Variants in AFTPH observed in about 807,000 individuals in gnomAD.
AFTPH encodes aftiphilin protein.
Under a neutral mutation model 72.5 loss-of-function variants are expected in AFTPH, and 7 were observed. The observed-to-expected ratio is 0.10, with a 90% CI of 0.05 to 0.18. The LOEUF (loss-of-function observed/expected upper bound fraction) is 0.18, where lower values mean the gene tolerates loss of function less well. Among genes scored for constraint, AFTPH ranks in the 10% least tolerant of loss-of-function variants. The probability of loss-of-function intolerance (pLI) is 1.00; values close to 1 mark genes in which losing one functional copy is unlikely to be tolerated. For synonymous variants in AFTPH, 337 were observed against 370.1 expected, an observed-to-expected ratio of 0.91 and a Z score of 1.03; for missense variants, 979 against 1,060.5, an observed-to-expected ratio of 0.92 and a Z score of 1.07.
Position 64,579,784 on chromosome 2 carries a change from A to G in AFTPH, c.2455+238A>G, listed in dbSNP as rs149056004. 332 of 383,100 alleles carry G rather than the reference A, an allele frequency of 8.7e-4. 3 individuals carry two copies. The highest frequency in any genetic ancestry group is 6.4e-3 in the African/African-American group (310 of 48,410). The allele number at this position is 383,100 out of a possible 1,614,324, so 23.7% of individuals were successfully genotyped here. A position where few individuals can be genotyped will look rare whatever the true frequency, so the allele number is the denominator to read the frequency against. On this transcript the variant is annotated intron_variant, in intron 7 of 8. Coordinates refer to ENST00000238856, the Ensembl canonical transcript of AFTPH. ...TTAGGTAAAATTTTAGTTTCAGTCA[A>G]AAGTAAGCTTCTTTATTTTTTACAA...
intron 7 of AFTPH, 57 bp downstream of exon 8, chr2:64,581,330 CACTTG>C: frequency 7.1e-7 from 1 of 1,405,144 alleles, no homozygotes; most frequent in African/African-American, 1.5e-5. Context: ...ATGACCACAT[CACTTG>C]ACTTTCCTAT....
At chr2:64,559,807 C>G (rs1329551104) in intron 2 of AFTPH, among the ~76,000 whole-genome samples, 1 of 152,148 alleles carries the variant, frequency 6.6e-6, no homozygotes, top group Non-Finnish European at 1.5e-5. Context: ...TGGTTTCAAG[C>G]AGTCCTCCCA....
chr2:64,592,223 A>T (rs1263561435), exon 9 of AFTPH: 1 of 463,636 alleles, frequency 2.2e-6, no homozygotes, highest in South Asian at 6.1e-5. Flanking sequence ...TCCTAAATTT[A>T]TATTAGAAAA....
At chr2:64,556,420 T>A (rs1480899364) in intron 2 of AFTPH, among the ~76,000 whole-genome samples, 1 of 152,220 alleles carries the variant, frequency 6.6e-6, no homozygotes, top group African/African-American at 2.4e-5. Context: ...TGTCCGAATT[T>A]TGCTTTGACA....
intron 2 of AFTPH, among the ~76,000 whole-genome samples, chr2:64,564,926 C>T (rs1192818170): frequency 6.6e-6 from 1 of 151,818 alleles, no homozygotes; most frequent in African/African-American, 2.4e-5. Context: ...CCACCTCCAC[C>T]TCTCCTGGTT....
chr2:64,576,118 C>CGT (rs1553404164), intron 6 of AFTPH, among the ~76,000 whole-genome samples: 46,228 of 136,384 alleles, frequency 0.34, 8,510 homozygotes, highest in African/African-American at 0.48. Context: ...CACACACACA[C>CGT]GTGTGTCATA....
chr2:64,572,088 TG>T (rs1400108203), intron 5 of AFTPH, among the ~76,000 whole-genome samples: 1 of 151,890 alleles, frequency 6.6e-6, no homozygotes, highest in Non-Finnish European at 1.5e-5. Flanking sequence ...GGCATGGTGG[TG>T]GACACCTGTA....
intron 7 of AFTPH, 96 bp from the exon 9 acceptor site, chr2:64,585,326 G>T: frequency 7.0e-7 from 1 of 1,430,640 alleles, no homozygotes; most frequent in Non-Finnish European, 9.7e-7. Flanking sequence ...AAAACACTCA[G>T]ATGTTTACAG....
At chr2:64,551,935 A>G in exon 2 of AFTPH, 1 of 1,613,578 alleles carries the variant, frequency 6.2e-7, no homozygotes, top group South Asian at 1.1e-5. Flanking sequence ...TCTCCAGGAG[A>G]TTTTAGAACT....
chr2:64,584,918 C>G lies in AFTPH; in HGVS notation c.2456-504C>G, dbSNP rs142862416. Among the ~76,000 whole-genome samples, 378 of 152,146 alleles carry G rather than the reference C, an allele frequency of 2.5e-3. 2 individuals are homozygous for G. Among genetic ancestry groups the G allele is most frequent in the African/African-American group, 8.5e-3 (354 of 41,482 alleles). On this transcript the variant is annotated intron_variant, in intron 7 of 8. Transcript: ENST00000238856. ...GCCAGTCATGATATATTTAAACTAA[C>G]CAGATCATTTACCATGTTTGAGACT...
At chr2:64,585,067 T>C (rs1558633485) in intron 7 of AFTPH, among the ~76,000 whole-genome samples, 1 of 152,232 alleles carries the variant, frequency 6.6e-6, no homozygotes, top group Non-Finnish European at 1.5e-5. Flanking sequence ...ATCATGTGCA[T>C]TCTATTTATA....
chr2:64,591,303 G>A (rs2104278774), intron 8 of AFTPH, among the ~76,000 whole-genome samples: 1 of 152,324 alleles, frequency 6.6e-6, no homozygotes, highest in South Asian at 2.1e-4. Context: ...AATAACACCA[G>A]CAACCAGCCC....
At chr2:64,542,591 G>C (rs974611041) in intron 1 of AFTPH, among the ~76,000 whole-genome samples, 5 of 151,990 alleles carry the variant, frequency 3.3e-5, no homozygotes, top group Non-Finnish European at 5.9e-5. Flanking sequence ...TTCAACCTTG[G>C]GCTTCAGATT....
chr2:64,553,636 G>A (rs574705042), intron 2 of AFTPH, among the ~76,000 whole-genome samples: 3 of 148,890 alleles, frequency 2.0e-5, no homozygotes, highest in African/African-American at 7.4e-5. Context: ...ATCTCAATGA[G>A]TTTCGTTAAT....
intron 2 of AFTPH, 43 bp downstream of exon 2, chr2:64,553,452 T>G (rs1671171316): frequency 6.6e-7 from 1 of 1,504,098 alleles, no homozygotes; most frequent in Admixed American, 2.4e-5. Context: ...TATTAATTGT[T>G]GTGGAGGCTT....
In AFTPH at chr2:64,553,523, A is replaced by G. The variant is rs1463255029; in HGVS notation, c.1935+114A>G. Reference sequence around the variant, plus strand: ...GAGTACTTGTTAAAGGAGTCTCGTTATGATGTATAATGCCTGTCTGATTTG... The same window carrying G: ...GAGTACTTGTTAAAGGAGTCTCGTTGTGATGTATAATGCCTGTCTGATTTG... On this transcript the variant is annotated intron_variant, in intron 2 of 8. Transcript: ENST00000238856. The G allele has an allele frequency of 3.5e-6, 4 of 1,128,154 alleles. No homozygotes were observed. The South Asian group carries it at 5.6e-5, about 16-fold the overall frequency. 69.9% of individuals were successfully genotyped at this position (1,128,154 alleles called of 1,614,324 possible).
intron 1 of AFTPH, among the ~76,000 whole-genome samples, chr2:64,534,739 CTTGT>C (rs1356270117): frequency 3.7e-5 from 4 of 108,278 alleles, no homozygotes; most frequent in African/African-American, 1.8e-4. Context: ...ATTCTTTAAG[CTTGT>C]TTTTTTTTTT....
chr2:64,550,803 C>T (rs1006500165), intron 1 of AFTPH, among the ~76,000 whole-genome samples: 1 of 151,056 alleles, frequency 6.6e-6, no homozygotes, highest in African/African-American at 2.4e-5. Context: ...CTGGTTTGAC[C>T]ATGTGTTATG....
At chr2:64,589,893 A>G (rs929314528) in intron 8 of AFTPH, among the ~76,000 whole-genome samples, 2 of 144,682 alleles carry the variant, frequency 1.4e-5, no homozygotes, top group African/African-American at 5.0e-5. Flanking sequence ...CAGGATCACT[A>G]TAATTCCTTA....
Sources: allele counts gnomAD v4.1 joint callset (sites outside exome capture counted in the v4.1 genomes callset), GRCh38; gene constraint gnomAD v4.1.1; transcripts MANE v1.5; gene names NCBI Gene and HGNC (gene_info 2026-07-23, HGNC 2026-07-21).